The following XPA variants were observed in gnomAD, a reference collection of about 807,000 sequenced individuals.
The protein encoded by XPA is DNA repair protein complementing XP-A cells.
XPA carries 27 observed loss-of-function variants against 35.7 expected under a neutral mutation model. The ratio of observed to expected loss-of-function variants is 0.76; its 90% confidence interval spans 0.56 to 1.04. The LOEUF (loss-of-function observed/expected upper bound fraction) is 1.04. Among genes scored for constraint, XPA ranks in the 50% least tolerant of loss-of-function variants. The probability of loss-of-function intolerance (pLI) is 0.00; values close to 1 mark genes in which losing one functional copy is unlikely to be tolerated. For missense variants in XPA, 354 were observed against 342.7 expected (o/e 1.03, Z -0.26); for synonymous variants, 133 against 118.4 (o/e 1.12, Z -0.80).
At chr9:97,685,758 G>T (rs771657504) in intron 4 of XPA, among the ~76,000 whole-genome samples, 1 of 152,088 alleles carries the variant, frequency 6.6e-6, no homozygotes, top group African/African-American at 2.4e-5. Context: ...GAGACATCAC[G>T]TTTTCCGCAA....
At chr9:97,677,025 T>C (rs1277063408) in intron 5 of XPA, among the ~76,000 whole-genome samples, 1 of 152,226 alleles carries the variant, frequency 6.6e-6, no homozygotes, top group South Asian at 2.1e-4. Flanking sequence ...TGGTTTCAGA[T>C]AATGTAAGGA....
rs1276091568 is a variant in XPA, at chr9:97,674,985, C to T, written c.*454G>A. The stretch of plus-strand genomic sequence containing the variant: ...AGTAGTTCCCCACTGTTTCCACCAT[C>T]GTGGAGACAGAAATCGTCCTAAAAA... On this transcript the variant is annotated 3_prime_UTR_variant, in exon 6 of 6. Coordinates refer to ENST00000375128, the MANE Select transcript of XPA (RefSeq NM_000380.4). 7.6e-6 allele frequency: 4 copies of T among 524,550 alleles called. No homozygotes were observed. Among genetic ancestry groups the T allele is most frequent in the Admixed American group, 4.5e-5 (2 of 44,704 alleles). The allele number at this position is 524,550 out of a possible 1,614,324, so 32.5% of individuals were successfully genotyped here. A position where few individuals can be genotyped will look rare whatever the true frequency, so the allele number is the denominator to read the frequency against.
chr9:97,674,140 G>C (rs3176762), downstream of XPA, among the ~76,000 whole-genome samples: 17,195 of 150,818 alleles, frequency 0.11, 2,839 homozygotes, highest in African/African-American at 0.36. Context: ...CTCCTTCCCC[G>C]CCCCCATAAT....
At chr9:97,674,561 A>G (rs142065741), downstream of XPA, among the ~76,000 whole-genome samples, 393 of 152,222 alleles carry the variant, frequency 2.6e-3, 1 homozygote, top group Non-Finnish European at 4.3e-3. Flanking sequence ...CATAGACCCA[A>G]TAATTCTTTT....
At chr9:97,671,167 G>A (rs377264051), downstream of XPA, 12 of 1,612,966 alleles carry the variant, frequency 7.4e-6, no homozygotes, top group Middle Eastern at 1.6e-4. Context: ...TATCTTGGCC[G>A]TGTTCCAGCA....
At chr9:97,689,736 G>A in intron 2 of XPA, 97 bp from the exon 3 acceptor site, 1 of 658,314 alleles carries the variant, frequency 1.5e-6, no homozygotes, top group Non-Finnish European at 2.7e-6. Flanking sequence ...TGCAATGCCT[G>A]ACATAAATAC....
the XPA span, chr9:97,655,093 T>C: frequency 1.8e-6 from 1 of 545,020 alleles, no homozygotes; most frequent in Non-Finnish European, 3.1e-6. Context: ...ACCAGACTCA[T>C]ACTTAATGTA....
At chr9:97,661,739 T>TG in the XPA span, among the ~76,000 whole-genome samples, 1 of 151,308 alleles carries the variant, frequency 6.6e-6, no homozygotes, top group Non-Finnish European at 1.5e-5. Context: ...AGTGTTTTTT[T>TG]TTTTTTTTTT....
the XPA span, chr9:97,668,821 C>G: frequency 6.2e-7 from 1 of 1,605,074 alleles, no homozygotes; most frequent in Non-Finnish European, 8.5e-7. Context: ...ATGGTATTTT[C>G]CTTTTGTTCA....
At chr9:97,695,403 G>GTC (rs1371126817) in intron 1 of XPA, among the ~76,000 whole-genome samples, 1 of 152,092 alleles carries the variant, frequency 6.6e-6, no homozygotes, top group East Asian at 1.9e-4. Context: ...GCCTTTACTT[G>GTC]TATACTTCTG....
intron 5 of XPA, chr9:97,682,072 ATCTATC>A: frequency 3.5e-6 from 1 of 288,758 alleles, no homozygotes; most frequent in Non-Finnish European, 6.9e-6. Flanking sequence ...TTATCTATCT[ATCTATC>A]TATCTATCTA....
chr9:97,690,395 T>G (rs1202089120), intron 2 of XPA, among the ~76,000 whole-genome samples: 2 of 151,304 alleles, frequency 1.3e-5, no homozygotes, highest in African/African-American at 4.9e-5. Flanking sequence ...TTTTGTTTTG[T>G]TTTGTTTTTT....
the XPA span, chr9:97,669,501 A>G: frequency 1.3e-6 from 1 of 793,500 alleles, no homozygotes; most frequent in Non-Finnish European, 2.1e-6. Flanking sequence ...AGGGTGGAAC[A>G]GGCAATACTT....
chr9:97,697,058 G>A (rs1001178391), intron 1 of XPA, 63 bp downstream of exon 1: 3 of 1,476,810 alleles, frequency 2.0e-6, no homozygotes, highest in South Asian at 1.4e-5. Flanking sequence ...CGGCTTGCAC[G>A]AGCCAGTCTG....
the XPA span, chr9:97,658,753 G>T: frequency 6.4e-7 from 1 of 1,553,246 alleles, no homozygotes; most frequent in Non-Finnish European, 8.9e-7. Context: ...AGTAAGTAAT[G>T]AAACTAATCC....
At chr9:97,664,788 T>C in the XPA span, among the ~76,000 whole-genome samples, 1 of 152,120 alleles carries the variant, frequency 6.6e-6, no homozygotes, top group South Asian at 2.1e-4. Context: ...GGGTTCCAGC[T>C]TCAGTGGGGA....
At chr9:97,689,100 G>A (rs1294466730) in intron 3 of XPA, among the ~76,000 whole-genome samples, 1 of 152,154 alleles carries the variant, frequency 6.6e-6, no homozygotes, top group Non-Finnish European at 1.5e-5. Context: ...GGTAGCAAAA[G>A]ATGAATGAAA....
chr9:97,677,569 G>A (rs1222372689), intron 5 of XPA, among the ~76,000 whole-genome samples: 1 of 151,920 alleles, frequency 6.6e-6, no homozygotes, highest in Non-Finnish European at 1.5e-5. Flanking sequence ...GGTGACATGA[G>A]CCTGTAGTCC....
intron 5 of XPA, among the ~76,000 whole-genome samples, chr9:97,682,832 A>AC (rs1828587715): frequency 6.6e-6 from 1 of 152,202 alleles, no homozygotes; most frequent in Non-Finnish European, 1.5e-5. Flanking sequence ...AAAAAGTAAT[A>AC]CCAGTGAAAA....
Sources: gnomAD v4.1 joint callset for allele counts (sites outside exome capture counted in the v4.1 genomes callset) on GRCh38, gnomAD v4.1.1 for gene constraint, MANE v1.5 for transcripts, NCBI Gene and HGNC (gene_info 2026-07-23, HGNC 2026-07-21) for gene names.